TNKS: variants seen among roughly 807,000 people sequenced by gnomAD.
TNKS encodes the protein tankyrase, also known as poly [ADP-ribose] polymerase tankyrase-1.
A neutral mutation model predicts 135.8 loss-of-function variants in TNKS; 72 were observed. The ratio of observed to expected loss-of-function variants is 0.53; its 90% CI spans 0.44 to 0.64. TNKS has a LOEUF of 0.64. Among genes scored for constraint, TNKS ranks in the 30% least tolerant of loss-of-function variants. The probability of loss-of-function intolerance (pLI) is 0.00; values close to 1 mark genes in which losing one functional copy is unlikely to be tolerated. For synonymous variants in TNKS, 849 were observed against 649.3 expected, an observed-to-expected ratio of 1.31 and a Z score of -4.68; for missense variants, 1,769 against 1,674.0, an observed-to-expected ratio of 1.06 and a Z score of -0.99.
intron 1 of TNKS, among the ~76,000 whole-genome samples, chr8:9,567,713 T>G (rs1423030333): frequency 6.6e-6 from 1 of 152,154 alleles, no homozygotes; most frequent in African/African-American, 2.4e-5. Context: ...CACCGCACCC[T>G]TCCAGCAACG....
rs1805025779 is a variant in TNKS, at chr8:9,723,852, T to TG, written c.1922-2788dup. ...TAAGTTCGATCTTGACCTGAATTCT[T>TG]GCGATTGTATAACCCAGTGTGGGAT... On this transcript the variant is annotated intron_variant, in intron 12 of 26. Transcript: ENST00000310430. Among the ~76,000 whole-genome samples, 7 of 152,176 alleles carry TG rather than the reference T, an allele frequency of 4.6e-5. No homozygotes were observed. In the South Asian group the frequency reaches 1.4e-3, roughly 32 times the overall value.
intron 2 of TNKS, among the ~76,000 whole-genome samples, chr8:9,595,917 G>T (rs563453711): frequency 4.6e-5 from 7 of 152,250 alleles, no homozygotes; most frequent in Admixed American, 1.3e-4. Context: ...TTTGAGACCA[G>T]CCTGAGCAAT....
chr8:9,769,923 C>G (rs1349013239), intron 25 of TNKS, among the ~76,000 whole-genome samples, 183 bp from the exon 26 acceptor site: 1 of 152,110 alleles, frequency 6.6e-6, no homozygotes, highest in Non-Finnish European at 1.5e-5. Flanking sequence ...ACTATTGAGT[C>G]TGGTAACTGT....
chr8:9,643,304 T>C (rs555275898), intron 3 of TNKS, among the ~76,000 whole-genome samples: 6 of 145,796 alleles, frequency 4.1e-5, no homozygotes, highest in Non-Finnish European at 7.5e-5. Flanking sequence ...AAGTCCAAGG[T>C]TGAGGGACCC....
Position 9,726,639 on chromosome 8 carries a change from A to G in TNKS, c.1922-2A>G, listed in dbSNP as rs1805177969. 1 of 1,601,516 alleles carries G rather than the reference A, an allele frequency of 6.2e-7. No homozygotes were observed. Among genetic ancestry groups the G allele is most frequent in the South Asian group, 1.1e-5 (1 of 88,152 alleles). On this transcript the variant is annotated splice_acceptor_variant, in intron 12 of 26. Transcript: ENST00000310430. LOFTEE classifies it high-confidence loss of function. ...ATGAGTTCTTTCCTTCCTTTTATGC[A>G]GAGAGTACACCTATACGTACTTCTG...
chr8:9,633,497 A>G (rs1233556531), intron 3 of TNKS, among the ~76,000 whole-genome samples: 6 of 152,226 alleles, frequency 3.9e-5, no homozygotes, highest in Non-Finnish European at 8.8e-5. Flanking sequence ...GTCAGAAACA[A>G]TAAGTGATAA....
Position 9,667,882 on chromosome 8 carries a change from T to C in TNKS, c.995-12069T>C, listed in dbSNP as rs368117168. On this transcript the variant is annotated intron_variant, in intron 3 of 26. Coordinates refer to ENST00000310430, the MANE Select transcript of TNKS (RefSeq NM_003747.3). ...GAGTCTCATTCATTTACTAGTTCTC[T>C]TTGAATCACGTCATTTATTTTTTCA... Among the ~76,000 whole-genome samples the C allele has an allele frequency of 4.6e-5, 7 of 152,072 alleles. No individual in the cohort carries two copies. The East Asian group carries it at 9.7e-4, about 21-fold the overall frequency.
intron 18 of TNKS, among the ~76,000 whole-genome samples, chr8:9,750,234 A>T (rs545535251): frequency 1.2e-4 from 18 of 152,292 alleles, no homozygotes; most frequent in Non-Finnish European, 2.5e-4. Context: ...AGCACGCTGG[A>T]TTTGACCTTT....
At chr8:9,727,086 A>G (rs577281811) in intron 13 of TNKS, among the ~76,000 whole-genome samples, 4 of 152,334 alleles carry the variant, frequency 2.6e-5, no homozygotes, top group African/African-American at 9.6e-5. Flanking sequence ...TATAAACTAG[A>G]TCGAGCCCAG....
intron 5 of TNKS, among the ~76,000 whole-genome samples, chr8:9,683,363 T>A (rs190305646): frequency 5.9e-5 from 9 of 152,162 alleles, no homozygotes; most frequent in Non-Finnish European, 2.9e-5. Context: ...TATTTAGAAT[T>A]AGAAAGTCAG....
chr8:9,583,709 G>A (rs551203882), intron 2 of TNKS, among the ~76,000 whole-genome samples: 5 of 151,966 alleles, frequency 3.3e-5, no homozygotes, highest in East Asian at 2.0e-4. Flanking sequence ...GGATGCTCTC[G>A]ATCTCTTGAC....
At chr8:9,611,628 C>T (rs1799467072) in intron 2 of TNKS, among the ~76,000 whole-genome samples, 1 of 152,080 alleles carries the variant, frequency 6.6e-6, no homozygotes, top group African/African-American at 2.4e-5. Context: ...TAGATGACAC[C>T]ACTTTGAGTA....
chr8:9,570,266 C>T (rs796119109), intron 1 of TNKS, among the ~76,000 whole-genome samples: 42 of 152,192 alleles, frequency 2.8e-4, no homozygotes, highest in African/African-American at 9.9e-4. Flanking sequence ...AAAGCGAGAT[C>T]CCTGTCTCTA....
At chr8:9,560,102 A>C (rs909493967) in intron 1 of TNKS, among the ~76,000 whole-genome samples, 1 of 152,172 alleles carries the variant, frequency 6.6e-6, no homozygotes, top group African/African-American at 2.4e-5. Flanking sequence ...AAATAGTTTT[A>C]TAAATAGTAC....
At chr8:9,595,029 C>T (rs1798723295) in intron 2 of TNKS, among the ~76,000 whole-genome samples, 1 of 152,154 alleles carries the variant, frequency 6.6e-6, no homozygotes, top group South Asian at 2.1e-4. Flanking sequence ...AAATCTGATT[C>T]ACTTGGTTTT....
chr8:9,579,882 T>C (rs991416644), intron 1 of TNKS, among the ~76,000 whole-genome samples: 4 of 152,226 alleles, frequency 2.6e-5, no homozygotes, highest in Non-Finnish European at 4.4e-5. Flanking sequence ...TTGTCATATT[T>C]ATTTTGTGTT....
At chr8:9,598,775 ATATATATAT>A (rs1798901044) in intron 2 of TNKS, among the ~76,000 whole-genome samples, 1 of 21,264 alleles carries the variant, frequency 4.7e-5, no homozygotes. Flanking sequence ...GTATATATAT[ATATATATAT>A]ATATATATAT....
intron 3 of TNKS, among the ~76,000 whole-genome samples, chr8:9,670,386 A>G (rs548065332): frequency 5.3e-5 from 8 of 152,120 alleles, no homozygotes; most frequent in African/African-American, 1.9e-4. Flanking sequence ...TTATTGGGAA[A>G]CCATTCGCCT....
intron 3 of TNKS, among the ~76,000 whole-genome samples, chr8:9,619,672 C>G (rs556587649): frequency 1.3e-5 from 2 of 152,258 alleles, no homozygotes; most frequent in Admixed American, 6.5e-5. Context: ...TGGGTAGCCC[C>G]CAGTCTCTCT....
Sources: gnomAD v4.1 joint callset for allele counts (sites outside exome capture counted in the v4.1 genomes callset) on GRCh38, gnomAD v4.1.1 for gene constraint, MANE v1.5 for transcripts, NCBI Gene and HGNC (gene_info 2026-07-23, HGNC 2026-07-21) for gene names.